The following AGBL4 variants were observed in gnomAD, a reference collection of about 807,000 sequenced individuals.
AGBL4 encodes cytosolic carboxypeptidase 6.
A neutral mutation model predicts 66.4 loss-of-function variants in AGBL4; 58 were observed. The observed-to-expected ratio is 0.87, with a 90% confidence interval of 0.71 to 1.09. The LOEUF (loss-of-function observed/expected upper bound fraction) is 1.09, where lower values mean the gene tolerates loss of function less well. AGBL4 is among the 50% of genes least tolerant of loss of function. The pLI is 0.00. For synonymous variants in AGBL4, 234 were observed against 222.9 expected (o/e 1.05, Z -0.44); for missense variants, 579 against 631.0 (o/e 0.92, Z 0.88).
At chr1:49,123,021 T>G (rs1487219796) in intron 4 of AGBL4, among the ~76,000 whole-genome samples, 3 of 151,962 alleles carry the variant, frequency 2.0e-5, no homozygotes, top group Admixed American at 6.6e-5. Flanking sequence ...GCCCAGCTAA[T>G]TTTTTGTATT....
intron 3 of AGBL4, among the ~76,000 whole-genome samples, chr1:49,297,420 A>T (rs1204683494): frequency 4.6e-5 from 7 of 152,226 alleles, no homozygotes; most frequent in Non-Finnish European, 1.0e-4. Context: ...AATTAAGAGC[A>T]GTTCAATACA....
intron 1 of AGBL4, among the ~76,000 whole-genome samples, chr1:49,874,054 G>C (rs2148118508): frequency 6.6e-6 from 1 of 152,170 alleles, no homozygotes; most frequent in South Asian, 2.1e-4. Flanking sequence ...TCAGAACAGA[G>C]AGTCCAGAAA....
intron 2 of AGBL4, among the ~76,000 whole-genome samples, chr1:49,780,934 A>G (rs1453111212): frequency 6.6e-6 from 1 of 152,150 alleles, no homozygotes; most frequent in African/African-American, 2.4e-5. Context: ...AACTCCGGGG[A>G]AAAACAACAA....
At chr1:48,911,619 C>CAAA (rs746193402) in intron 5 of AGBL4, among the ~76,000 whole-genome samples, 2 of 70,284 alleles carry the variant, frequency 2.8e-5, no homozygotes, top group Admixed American at 1.7e-4. Context: ...AACTCCGTCT[C>CAAA]AAAAAAAAAA....
chr1:49,497,051 T>G (rs753640469), intron 3 of AGBL4, among the ~76,000 whole-genome samples: 71 of 152,138 alleles, frequency 4.7e-4, no homozygotes, highest in Non-Finnish European at 1.0e-3. Flanking sequence ...CTTTTGTCTT[T>G]GTGGTAATAG....
At chr1:49,130,825 A>G (rs958273414) in intron 4 of AGBL4, among the ~76,000 whole-genome samples, 1 of 152,074 alleles carries the variant, frequency 6.6e-6, no homozygotes, top group Non-Finnish European at 1.5e-5. Flanking sequence ...ATGAACTTTA[A>G]AGTAGTTTTT....
intron 4 of AGBL4, among the ~76,000 whole-genome samples, chr1:49,095,847 A>G (rs1363822834): frequency 1.3e-5 from 2 of 151,142 alleles, no homozygotes; most frequent in African/African-American, 4.8e-5. Flanking sequence ...ATGGGATCTA[A>G]TTAAACTAAA....
chr1:49,614,330 C>T (rs1645210896), intron 3 of AGBL4, among the ~76,000 whole-genome samples: 1 of 151,944 alleles, frequency 6.6e-6, no homozygotes, highest in Non-Finnish European at 1.5e-5. Flanking sequence ...TTCTGGCCCC[C>T]TTCTCTCAAT....
chr1:48,694,744 G>T (rs571714474), intron 6 of AGBL4, among the ~76,000 whole-genome samples: 1 of 152,158 alleles, frequency 6.6e-6, no homozygotes, highest in African/African-American at 2.4e-5. Context: ...GGGTCCAGAG[G>T]ATGATAAGAC....
chr1:49,441,469 T>A (rs147226183), intron 3 of AGBL4, among the ~76,000 whole-genome samples: 2 of 152,290 alleles, frequency 1.3e-5, no homozygotes, highest in Non-Finnish European at 2.9e-5. Context: ...CTGATCTCCC[T>A]TGGTTTAGTG....
intron 2 of AGBL4, among the ~76,000 whole-genome samples, chr1:49,751,933 T>A: frequency 6.6e-6 from 1 of 152,028 alleles, no homozygotes; most frequent in Non-Finnish European, 1.5e-5. Flanking sequence ...ATCCCCTTTA[T>A]CACTTTTTGG....
At chr1:49,119,071 A>G (rs1645594896) in intron 4 of AGBL4, among the ~76,000 whole-genome samples, 1 of 152,064 alleles carries the variant, frequency 6.6e-6, no homozygotes, top group East Asian at 1.9e-4. Flanking sequence ...TATTGCATCT[A>G]TTTGATTCTT....
chr1:48,779,215 C>A (rs1458537787), intron 6 of AGBL4, among the ~76,000 whole-genome samples: 1 of 152,170 alleles, frequency 6.6e-6, no homozygotes, highest in Non-Finnish European at 1.5e-5. Flanking sequence ...TAGCCAATGG[C>A]CAACCTCCTC....
chr1:49,767,569 C>A (rs1643922554), intron 2 of AGBL4, among the ~76,000 whole-genome samples: 1 of 151,758 alleles, frequency 6.6e-6, no homozygotes, highest in Non-Finnish European at 1.5e-5. Flanking sequence ...GAAGAAACAA[C>A]CACAACATAA....
At chr1:49,239,840 T>C (rs1651077463) in intron 4 of AGBL4, among the ~76,000 whole-genome samples, 1 of 152,044 alleles carries the variant, frequency 6.6e-6, no homozygotes, top group Admixed American at 6.6e-5. Context: ...AGACAGATAA[T>C]AAATAAATAA....
chr1:49,137,666 CAT>C (rs1377592318), intron 4 of AGBL4, among the ~76,000 whole-genome samples: 1 of 151,996 alleles, frequency 6.6e-6, no homozygotes, highest in Non-Finnish European at 1.5e-5. Flanking sequence ...AGTCAAATGA[CAT>C]AGTGAGTGAG....
chr1:48,619,071 A>C (rs1382307585), intron 9 of AGBL4, among the ~76,000 whole-genome samples: 2 of 152,170 alleles, frequency 1.3e-5, no homozygotes. Context: ...CCTGGTGAGC[A>C]TGCCCACCCT....
intron 6 of AGBL4, among the ~76,000 whole-genome samples, chr1:48,815,390 T>C (rs1409070411): frequency 6.6e-6 from 1 of 152,078 alleles, no homozygotes; most frequent in Non-Finnish European, 1.5e-5. Context: ...TCAACCAGGG[T>C]GAGTAAATTA....
chr1:49,287,657 C>T (rs1183356953), intron 3 of AGBL4, among the ~76,000 whole-genome samples: 1 of 152,122 alleles, frequency 6.6e-6, no homozygotes, highest in Non-Finnish European at 1.5e-5. Context: ...AGCAAAACCA[C>T]AATGAGATAC....
Sources: allele counts gnomAD v4.1 joint callset (sites outside exome capture counted in the v4.1 genomes callset), GRCh38; gene constraint gnomAD v4.1.1; transcripts MANE v1.5; gene names NCBI Gene and HGNC (gene_info 2026-07-23, HGNC 2026-07-21).